Variants in COPRS observed in about 807,000 individuals in gnomAD.
The protein encoded by COPRS is coordinator of PRMT5 and differentiation stimulator, also known as cooperator of PRMT5.
In COPRS, 11 loss-of-function variants were observed where a neutral mutation model predicts 19.9. That is an observed-to-expected ratio of 0.55 (90% CI 0.35 to 0.92). The LOEUF is 0.92. Ranked by LOEUF, COPRS falls within the 40% of genes least tolerant of loss-of-function variation. The pLI, the probability that COPRS is intolerant of heterozygous loss-of-function variation, is 0.01. For missense variants in COPRS, 225 were observed against 229.9 expected (o/e 0.98, Z 0.14); for synonymous variants, 81 against 82.7 (o/e 0.98, Z 0.11).
At position 31,852,966 on chromosome 17, in the gene COPRS, C is replaced by G. The variant is rs758869033; in HGVS notation, c.231G>C (p.Glu77Asp). The G allele has an allele frequency of 6.2e-7, 1 of 1,614,180 alleles. No individual in the cohort carries two copies. The highest frequency in any genetic ancestry group is 8.5e-7 in the Non-Finnish European group (1 of 1,180,018). Residue 77 changes from glutamate to aspartate, a missense_variant, in exon 3 of 4, where the codon GAG becomes GAC. Glu to Asp is a conservative substitution (Grantham distance 45, BLOSUM62 2). Around this residue, in one of 3 missense-constraint regions of COPRS, gnomAD observed 170 missense variants for 171.4 expected, o/e 0.99. Coordinates refer to ENST00000302362, the MANE Select transcript of COPRS (RefSeq NM_018405.4). ...CCTCCTCATCCATGGCAAAGCCTTC[C>G]TCTTCAGAATGGGTGCCCTCACCCC... ...PARGEGTHSEEEGFAMDEEDS... is the reference protein window; with the variant it reads ...PARGEGTHSEDEGFAMDEEDS...
rs761159426 is a variant in COPRS, at chr17:31,852,814, T to C, written c.383A>G (p.Tyr128Cys). Residue 128 changes from tyrosine (Y) to cysteine (C), a missense_variant and splice_region_variant, in exon 3 of 4, where the codon TAT becomes TGT. Tyr to Cys is a radical substitution (Grantham distance 194, BLOSUM62 -2). Coordinates refer to ENST00000302362, the MANE Select transcript of COPRS (RefSeq NM_018405.4). ...ACCCCCAGAGACTCCACACCTACCA[T>C]ATGGATTCCCTTGATCTGCTTTCAA... The part of the protein sequence containing the change: ...SELKADQGNP[Y>C]DADDIQESIS... 1.1e-5 allele frequency: 18 copies of C among 1,612,022 alleles called. No individual in the cohort carries two copies. Among genetic ancestry groups the C allele is most frequent in the Non-Finnish European group, 1.5e-5 (18 of 1,178,278 alleles).
intron 3 of COPRS, 35 bp downstream of exon 3, chr17:31,852,777 G>A: frequency 6.8e-7 from 1 of 1,475,088 alleles, no homozygotes; most frequent in Non-Finnish European, 9.5e-7. Flanking sequence ...GTCTGAGAAG[G>A]CCTAGTTCAG....
At chr17:31,858,652 G>A (rs1201185755) in intron 1 of COPRS, 3 of 1,231,066 alleles carry the variant, frequency 2.4e-6, no homozygotes, top group Non-Finnish European at 3.5e-6. Context: ...AAGGAGAAGG[G>A]GGAGCGCGCA....
At chr17:31,857,126 G>A (rs1240717310) in intron 1 of COPRS, among the ~76,000 whole-genome samples, 1 of 152,170 alleles carries the variant, frequency 6.6e-6, no homozygotes, top group African/African-American at 2.4e-5. Flanking sequence ...AGTGGCCACA[G>A]AATCCAGTAT....
At chr17:31,859,005 C>T (rs1909450784) in intron 1 of COPRS, 96 bp downstream of exon 1, 1 of 1,233,820 alleles carries the variant, frequency 8.1e-7, no homozygotes, top group Middle Eastern at 3.2e-4. Context: ...GCCAGAGGCG[C>T]TTCCCCGGCC....
At chr17:31,852,331 GA>G (rs1405950730) in intron 3 of COPRS, 23 bp from the exon 4 acceptor site, 1 of 1,582,232 alleles carries the variant, frequency 6.3e-7, no homozygotes, top group East Asian at 2.2e-5. Context: ...TTAAAAGACA[GA>G]TTAAGGGAAG....
intron 1 of COPRS, among the ~76,000 whole-genome samples, chr17:31,857,536 A>G (rs1452379017): frequency 6.6e-6 from 1 of 152,198 alleles, no homozygotes; most frequent in Non-Finnish European, 1.5e-5. Flanking sequence ...AATCTAACTG[A>G]AAATCTTCCC....
intron 2 of COPRS, among the ~76,000 whole-genome samples, chr17:31,855,314 A>G (rs965043468): frequency 9.2e-5 from 14 of 152,072 alleles, no homozygotes; most frequent in African/African-American, 3.4e-4. Flanking sequence ...GATCGAGACC[A>G]TCCTAACAAG....
intron 1 of COPRS, among the ~76,000 whole-genome samples, chr17:31,857,979 G>A (rs988278591): frequency 4.6e-5 from 7 of 151,996 alleles, no homozygotes; most frequent in African/African-American, 9.7e-5. Flanking sequence ...GGTCACTGCC[G>A]CCCAAGGAGA....
At chr17:31,858,908 C>T (rs1909445813) in intron 1 of COPRS, 193 bp downstream of exon 1, 2 of 1,493,180 alleles carry the variant, frequency 1.3e-6, no homozygotes, top group Admixed American at 2.2e-5. Context: ...TTCCCCGCCC[C>T]GCAGCCCCGC....
Position 31,852,222 on chromosome 17 carries a change from TGG to T in COPRS, c.470_471del (p.Pro157GlnfsTer18). On this transcript the variant is annotated frameshift_variant, in exon 4 of 4. Transcript: ENST00000302362. LOFTEE classifies it high-confidence loss of function. ...ATCAGTGGAGGCGGATGGTGCCAGC[TGG>T]GGTCATAGATCATGTCTCCTTGTGG... ...CAPQGDMIYD[P>X]SWHHPPPLIP... 1 of 1,614,118 alleles carries T rather than the reference TGG, an allele frequency of 6.2e-7. No individual in the cohort carries two copies. The highest frequency in any genetic ancestry group is 8.5e-7 in the Non-Finnish European group (1 of 1,180,000).
In COPRS at chr17:31,856,804, C is replaced by G. The variant is rs762134733; in HGVS notation, c.161G>C (p.Arg54Pro). ...QERETEKAMD[R>P]LARGTQSIPN... Reference sequence around the variant, plus strand: ...CGTCTCTGCCATCTACTTGCCTAGTCGATCCATAGCCTTCTCAGTCTCTCT... The same window carrying G: ...CGTCTCTGCCATCTACTTGCCTAGTGGATCCATAGCCTTCTCAGTCTCTCT... Residue 54 changes from arginine (R) to proline (P), a missense_variant, in exon 2 of 4, where the codon CGA (arginine) becomes CCA (proline). Physicochemically the swap from Arg to Pro is moderately radical, Grantham distance 103. This residue lies in a region of COPRS where 170 missense variants were observed against 171.4 expected (regional missense o/e 0.99). Transcript: ENST00000302362. The G allele has an allele frequency of 6.3e-7, 1 of 1,599,714 alleles. No homozygotes were observed. Among genetic ancestry groups the G allele is most frequent in the East Asian group, 2.2e-5 (1 of 44,806 alleles).
At chr17:31,852,730 T>G in intron 3 of COPRS, 82 bp downstream of exon 3, 1 of 941,796 alleles carries the variant, frequency 1.1e-6, no homozygotes, top group Middle Eastern at 3.1e-4. Flanking sequence ...TGTGGACCCC[T>G]GTTCCAAACT....
intron 2 of COPRS, among the ~76,000 whole-genome samples, chr17:31,855,438 C>G (rs1253711823): frequency 6.6e-6 from 1 of 152,118 alleles, no homozygotes; most frequent in African/African-American, 2.4e-5. Context: ...ACCCAGGGGG[C>G]AGAGTTTGCA....
At chr17:31,858,705 G>T (rs1322651532) in intron 1 of COPRS, 2 of 1,515,594 alleles carry the variant, frequency 1.3e-6, no homozygotes, top group East Asian at 4.9e-5. Context: ...CCCCACCAAC[G>T]GACAGAGGTC....
chr17:31,854,885 T>C (rs1477693503), intron 2 of COPRS, among the ~76,000 whole-genome samples: 1 of 152,210 alleles, frequency 6.6e-6, no homozygotes, highest in East Asian at 1.9e-4. Flanking sequence ...GAAAAGATTC[T>C]GGAACTAGGT....
In COPRS at chr17:31,856,780, GTC is replaced by G; in HGVS notation, c.166+17_166+18del. The G allele has an allele frequency of 6.6e-7, 1 of 1,525,740 alleles. No homozygotes were observed. Among genetic ancestry groups the G allele is most frequent in the Non-Finnish European group, 9.1e-7 (1 of 1,099,640 alleles). The allele number at this position is 1,525,740 out of a possible 1,614,324, so 94.5% of individuals were successfully genotyped here. ...CACATCCTTGGTCTCCCCAACTTCC[GTC>G]TCTGCCATCTACTTGCCTAGTCGAT... On this transcript the variant is annotated intron_variant, in intron 2 of 3. Coordinates refer to ENST00000302362, the MANE Select transcript of COPRS (RefSeq NM_018405.4).
rs776827318 is a variant in COPRS at position 31,858,851 on chromosome 17, G to C, written c.99+250C>G. ...AAATCCGCAGCGGCGCCCAGCGGGCGGACAGCCGTCTCTGCTGACCCAGAG... is the reference window on the plus strand; with the variant it reads ...AAATCCGCAGCGGCGCCCAGCGGGCCGACAGCCGTCTCTGCTGACCCAGAG... On this transcript the variant is annotated intron_variant, in intron 1 of 3. Transcript: ENST00000302362. 1.0e-4 allele frequency: 161 copies of C among 1,547,014 alleles called. 1 individual carries two copies. In the Middle Eastern group the frequency reaches 2.0e-3, roughly 19 times the overall value.
chr17:31,852,362 G>T, intron 3 of COPRS, 54 bp from the exon 4 acceptor site: 3 of 1,436,060 alleles, frequency 2.1e-6, no homozygotes, highest in Non-Finnish European at 2.9e-6. Context: ...AAGGAAGGAA[G>T]GTAAAAACGG....
Sources: gnomAD v4.1 joint callset for allele counts (sites outside exome capture counted in the v4.1 genomes callset) on GRCh38, gnomAD v4.1.1 for gene constraint, gnomAD v4.1.1 regional missense constraint, MANE v1.5 for transcripts, NCBI Gene and HGNC (gene_info 2026-07-23, HGNC 2026-07-21) for gene names.